Variants in DISC1 observed in about 807,000 individuals in gnomAD.
DISC1 encodes the protein disrupted in schizophrenia 1 protein.
Under a neutral mutation model 84.5 loss-of-function variants are expected in DISC1, and 57 were observed. That is an observed-to-expected ratio of 0.67 (90% CI 0.55 to 0.84). DISC1 has a LOEUF of 0.84. Ranked by LOEUF, DISC1 falls within the 40% of genes least tolerant of loss-of-function variation. The probability of loss-of-function intolerance (pLI) is 0.00; values close to 1 mark genes in which losing one functional copy is unlikely to be tolerated. For synonymous variants in DISC1, 411 were observed against 415.2 expected, an observed-to-expected ratio of 0.99 and a Z score of 0.12; for missense variants, 1,000 against 1,057.8, an observed-to-expected ratio of 0.95 and a Z score of 0.76.
rs940728384 is a variant in DISC1 at position 232,037,309 on chromosome 1, C to T, written c.*478C>T. On this transcript the variant is annotated 3_prime_UTR_variant, in exon 13 of 13. Transcript: ENST00000439617. ...CCTACAGGTGCACAATCTAAGAGAGCTAATTAACCTCAGAGTCTGGAGTTA... is the reference window on the plus strand; with the variant it reads ...CCTACAGGTGCACAATCTAAGAGAGTTAATTAACCTCAGAGTCTGGAGTTA... 2.0e-5 allele frequency: 3 copies of T among 152,218 alleles called. No individual in the cohort carries two copies. The highest frequency in any genetic ancestry group is 1.9e-4 in the East Asian group (1 of 5,190). The allele number at this position is 152,218 out of a possible 1,614,324, so 9.4% of individuals were successfully genotyped here.
chr1:232,002,316 A>C (rs1488523218), intron 10 of DISC1, among the ~76,000 whole-genome samples: 1 of 152,236 alleles, frequency 6.6e-6, no homozygotes, highest in Non-Finnish European at 1.5e-5. Flanking sequence ...ACAGTTTGGC[A>C]GTTTCTTATA....
At chr1:231,941,555 C>G (rs1172358169) in intron 9 of DISC1, among the ~76,000 whole-genome samples, 1 of 151,906 alleles carries the variant, frequency 6.6e-6, no homozygotes, top group Non-Finnish European at 1.5e-5. Context: ...TCACTGCAAC[C>G]TCTGCCTCCT....
intron 6 of DISC1, chr1:231,771,592 G>A (rs1360411017): frequency 1.0e-6 from 1 of 985,222 alleles, no homozygotes; most frequent in Non-Finnish European, 1.2e-6. Context: ...AGTTACTTCG[G>A]TTGTTGTATT....
intron 9 of DISC1, among the ~76,000 whole-genome samples, chr1:231,871,681 A>G (rs1022144389): frequency 1.3e-5 from 2 of 152,128 alleles, no homozygotes; most frequent in Admixed American, 6.5e-5. Context: ...GCGGCCTCTC[A>G]TGTGTGCCTG....
At chr1:231,891,700 G>A (rs753945296) in intron 9 of DISC1, among the ~76,000 whole-genome samples, 4 of 152,254 alleles carry the variant, frequency 2.6e-5, no homozygotes, top group Middle Eastern at 3.4e-3. Context: ...TGGTGTGGGC[G>A]TCACCTGCTG....
chr1:231,646,568 C>T (rs114902129), intron 1 of DISC1, among the ~76,000 whole-genome samples: 5,226 of 152,076 alleles, frequency 0.034, 121 homozygotes, highest in Middle Eastern at 0.072. Context: ...CAATTTAGAT[C>T]GCTGGGTCAA....
chr1:231,788,252 T>A (rs912166863), intron 6 of DISC1, among the ~76,000 whole-genome samples: 1 of 152,130 alleles, frequency 6.6e-6, no homozygotes, highest in Non-Finnish European at 1.5e-5. Context: ...ACCACTGCAC[T>A]CCAGCCTGGG....
intron 11 of DISC1, among the ~76,000 whole-genome samples, chr1:232,012,074 A>G (rs1668067970): frequency 6.6e-6 from 1 of 152,196 alleles, no homozygotes; most frequent in South Asian, 2.1e-4. Context: ...AGTAGAGGCT[A>G]ATTTGTGTTA....
At chr1:231,808,166 A>G (rs1351263979) in intron 8 of DISC1, among the ~76,000 whole-genome samples, 1 of 152,232 alleles carries the variant, frequency 6.6e-6, no homozygotes, top group Non-Finnish European at 1.5e-5. Context: ...AGGCAGCACC[A>G]AATTCCTTCG....
At chr1:231,774,623 C>G (rs1219233064) in intron 6 of DISC1, 1 of 448,630 alleles carries the variant, frequency 2.2e-6, no homozygotes, top group African/African-American at 2.0e-5. Flanking sequence ...GGTCAGCTTC[C>G]TTTCTTCCAC....
chr1:231,885,735 A>G (rs937893013), intron 9 of DISC1, among the ~76,000 whole-genome samples: 19 of 152,166 alleles, frequency 1.2e-4, no homozygotes, highest in African/African-American at 4.6e-4. Flanking sequence ...GAATTTTCTA[A>G]TAGTGTCTAT....
At chr1:231,829,638 A>G (rs1399981959) in intron 9 of DISC1, among the ~76,000 whole-genome samples, 1 of 152,170 alleles carries the variant, frequency 6.6e-6, no homozygotes, top group African/African-American at 2.4e-5. Flanking sequence ...AGAGTGAGCC[A>G]CCATGCCCGG....
At chr1:231,907,117 T>TC (rs1558717413) in intron 9 of DISC1, among the ~76,000 whole-genome samples, 1 of 14,214 alleles carries the variant, frequency 7.0e-5, no homozygotes, top group African/African-American at 2.5e-4. Context: ...TCTCCTTCCT[T>TC]CCTTCCTTCC....
In DISC1 at chr1:231,762,219, T is replaced by C. The variant is rs1414550038; in HGVS notation, c.1269-4921T>C. 1.6e-3 allele frequency among the ~76,000 whole-genome samples: 92 copies of C among 55,776 alleles called. 1 individual carries two copies. The highest frequency in any genetic ancestry group is 3.2e-3 in the African/African-American group (44 of 13,898). 36.6% of individuals were successfully genotyped at this position (55,776 alleles called of 152,430 possible). A position where few individuals can be genotyped will look rare whatever the true frequency, so the allele number is the denominator to read the frequency against. On this transcript the variant is annotated intron_variant, in intron 4 of 12. Coordinates refer to ENST00000439617, the MANE Select transcript of DISC1 (RefSeq NM_018662.3). ...TTTTCTTTTCTTTTCTTTTCTCTTC[T>C]TTTCTTTTCTTTTCTTTTCTTTTCT...
At chr1:231,796,805 C>T (rs1269456311) in intron 7 of DISC1, among the ~76,000 whole-genome samples, 2 of 152,122 alleles carry the variant, frequency 1.3e-5, no homozygotes, top group East Asian at 1.9e-4. Context: ...GCCTTGATCT[C>T]CCGGGCTCAG....
chr1:232,031,694 G>A lies in DISC1; in HGVS notation c.2426-4998G>A, dbSNP rs188229047. 9.2e-5 allele frequency among the ~76,000 whole-genome samples: 14 copies of A among 152,318 alleles called. No individual in the cohort carries two copies. Among genetic ancestry groups the A allele is most frequent in the African/African-American group, 1.9e-4 (8 of 41,572 alleles). ...ACAGTGGGTGGGGGAGGGCAAGGGC[G>A]TAGACACAGGGCTGTCCTGCTGCTG... On this transcript the variant is annotated intron_variant, in intron 12 of 12. Transcript: ENST00000439617. This position sits in a 1 kb window ranked among gnomAD's most constrained non-coding sequence, Gnocchi z 4.6.
intron 3 of DISC1, among the ~76,000 whole-genome samples, chr1:231,716,818 T>C (rs184908661): frequency 3.3e-5 from 5 of 152,162 alleles, no homozygotes; most frequent in African/African-American, 1.2e-4. Flanking sequence ...TCCATTTCCT[T>C]TGCATAATGG....
chr1:231,787,491 C>A (rs6672139), intron 6 of DISC1, among the ~76,000 whole-genome samples: 118,742 of 151,744 alleles, frequency 0.78, 46,759 homozygotes, highest in African/African-American at 0.85. Context: ...AGGGGACCAA[C>A]CTCACCCTTT....
chr1:231,977,193 C>T (rs1662931954), intron 10 of DISC1, among the ~76,000 whole-genome samples: 1 of 152,228 alleles, frequency 6.6e-6, no homozygotes, highest in Non-Finnish European at 1.5e-5. Context: ...GCTATCCTCC[C>T]ACCTGCTTTC....
Sources: gnomAD v4.1 joint callset for allele counts (sites outside exome capture counted in the v4.1 genomes callset) on GRCh38, gnomAD v4.1.1 for gene constraint, Gnocchi (gnomAD v3.1) non-coding constraint, MANE v1.5 for transcripts, NCBI Gene and HGNC (gene_info 2026-07-23, HGNC 2026-07-21) for gene names.